PRKD1: variants seen among roughly 807,000 people sequenced by gnomAD.
PRKD1 encodes the protein serine/threonine-protein kinase D1.
PRKD1 carries 63 observed loss-of-function variants against 95.9 expected under a neutral mutation model. That is an observed-to-expected ratio of 0.66 (90% confidence interval 0.54 to 0.81). PRKD1 has a LOEUF of 0.81. Ranked by LOEUF, PRKD1 falls within the 30% of genes least tolerant of loss-of-function variation. PRKD1 has a pLI of 0.00. For synonymous variants in PRKD1, 425 were observed against 423.1 expected, an observed-to-expected ratio of 1.00 and a Z score of -0.05; for missense variants, 1,048 against 1,165.3, an observed-to-expected ratio of 0.90 and a Z score of 1.47.
rs377353121 is a variant in PRKD1, at chr14:29,579,905, G to A, written c.2435-1545C>T. On this transcript the variant is annotated intron_variant, in intron 16 of 17. Transcript: ENST00000331968. ...TTCTCAGAGAGCTTTTAAAAGTATA[G>A]TTCTGTGAACTGCGTATAGGGCATG... 3.4e-4 allele frequency among the ~76,000 whole-genome samples: 51 copies of A among 152,204 alleles called. 2 individuals carry two copies. The South Asian group carries it at 0.01, about 30-fold the overall frequency.
At chr14:29,727,875 T>C (rs545693947) in intron 1 of PRKD1, among the ~76,000 whole-genome samples, 133 of 151,272 alleles carry the variant, frequency 8.8e-4, no homozygotes, top group Non-Finnish European at 1.6e-3. Context: ...ATGGATGAAA[T>C]TGGAAATCAT....
chr14:29,652,806 T>C (rs1003305235), intron 4 of PRKD1: 9 of 152,242 alleles, frequency 5.9e-5, no homozygotes, highest in African/African-American at 2.2e-4. Context: ...TACTTCTAAA[T>C]AGACTTTTGC....
intron 2 of PRKD1, among the ~76,000 whole-genome samples, chr14:29,686,112 C>T (rs1381312141): frequency 6.6e-6 from 1 of 152,136 alleles, no homozygotes; most frequent in Non-Finnish European, 1.5e-5. Flanking sequence ...TGTGAAAATC[C>T]TTTAATAGGA....
Position 29,794,394 on chromosome 14 carries a change from G to GT in PRKD1, c.265-68721dup, listed in dbSNP as rs1416652933. ...TAAATATCATCTATAAATTATCAAG[G>GT]TTTTTTTTGAGGGGGTGGCAATTCC... On this transcript the variant is annotated intron_variant, in intron 1 of 17. Coordinates refer to ENST00000331968, the MANE Select transcript of PRKD1 (RefSeq NM_002742.3). 5.3e-5 allele frequency among the ~76,000 whole-genome samples: 8 copies of GT among 151,560 alleles called. No individual in the cohort carries two copies. In the East Asian group the frequency reaches 1.4e-3, roughly 26 times the overall value.
At chr14:29,740,469 T>C (rs1259592718) in intron 1 of PRKD1, among the ~76,000 whole-genome samples, 3 of 152,190 alleles carry the variant, frequency 2.0e-5, no homozygotes, top group Non-Finnish European at 4.4e-5. Flanking sequence ...CAGTGGTAGG[T>C]AGTGCCAGAA....
At chr14:29,774,874 CATG>C (rs1173501708) in intron 1 of PRKD1, among the ~76,000 whole-genome samples, 18 of 152,158 alleles carry the variant, frequency 1.2e-4, no homozygotes, top group African/African-American at 4.1e-4. Flanking sequence ...AGGAAAGCAA[CATG>C]ATAATAGTGG....
rs148964041 is a variant in PRKD1 at position 29,917,179 on chromosome 14, T to C, written c.264+10070A>G. 3.0e-3 allele frequency among the ~76,000 whole-genome samples: 458 copies of C among 152,326 alleles called. 8 individuals are homozygous for C. Among genetic ancestry groups the C allele is most frequent in the Admixed American group, 0.026 (401 of 15,302 alleles). On this transcript the variant is annotated intron_variant, in intron 1 of 17. Transcript: ENST00000331968. ...TTAATTCTAGCACCTGAACTAGAAC[T>C]GAATCCCCAGTCTCTTTCTAGCTAG...
intron 1 of PRKD1, among the ~76,000 whole-genome samples, chr14:29,865,975 T>G (rs918173860): frequency 3.9e-5 from 6 of 152,210 alleles, no homozygotes; most frequent in African/African-American, 1.4e-4. Flanking sequence ...CTAGAAAGAT[T>G]GTCTTGCACT....
In PRKD1 at chr14:29,734,105, C is replaced by T. The variant is rs373539201; in HGVS notation, c.265-8431G>A. Among the ~76,000 whole-genome samples the T allele has an allele frequency of 3.9e-4, 52 of 131,810 alleles. No individual in the cohort carries two copies. The East Asian group carries it at 4.0e-3, about 10-fold the overall frequency. 86.5% of individuals were successfully genotyped at this position (131,810 alleles called of 152,430 possible). ...TCACTCAGGCTGGAGTGCAATGGCG[C>T]GATCTTGGCTCACTGCAACCTCCGC... On this transcript the variant is annotated intron_variant, in intron 1 of 17. Coordinates refer to ENST00000331968, the MANE Select transcript of PRKD1 (RefSeq NM_002742.3).
chr14:29,619,765 A>C (rs1566490788), intron 13 of PRKD1, among the ~76,000 whole-genome samples: 2 of 152,150 alleles, frequency 1.3e-5, no homozygotes, highest in Non-Finnish European at 2.9e-5. Context: ...GCTTAACTTC[A>C]CTGTCTCAGG....
At chr14:29,770,930 CAAAAAA>C (rs753745571) in intron 1 of PRKD1, among the ~76,000 whole-genome samples, 1 of 47,164 alleles carries the variant, frequency 2.1e-5, no homozygotes. Flanking sequence ...AGACACTGTC[CAAAAAA>C]AAAAAAAAAA....
chr14:29,821,620 C>G (rs1890913333), intron 1 of PRKD1, among the ~76,000 whole-genome samples: 1 of 152,266 alleles, frequency 6.6e-6, no homozygotes, highest in Non-Finnish European at 1.5e-5. Flanking sequence ...CAGGGACACA[C>G]TGGAATTTTT....
intron 1 of PRKD1, among the ~76,000 whole-genome samples, chr14:29,771,561 G>C (rs1255528976): frequency 6.6e-6 from 1 of 152,086 alleles, no homozygotes; most frequent in Non-Finnish European, 1.5e-5. Context: ...CATCCATCTA[G>C]ATTTCAAAGG....
At chr14:29,619,407 A>G (rs1879094505) in intron 13 of PRKD1, among the ~76,000 whole-genome samples, 1 of 152,184 alleles carries the variant, frequency 6.6e-6, no homozygotes, top group South Asian at 2.1e-4. Flanking sequence ...TTTCTGTACA[A>G]CTTTAATTAA....
chr14:29,582,537 A>G (rs772313800), intron 16 of PRKD1, among the ~76,000 whole-genome samples: 1 of 152,200 alleles, frequency 6.6e-6, no homozygotes, highest in Non-Finnish European at 1.5e-5. Flanking sequence ...AGCTCTGAAC[A>G]TTTACCCATC....
rs560028921 is a variant in PRKD1, at chr14:29,668,918, T to G, written c.404-2710A>C. Among the ~76,000 whole-genome samples the G allele has an allele frequency of 2.6e-3, 398 of 152,300 alleles. 4 individuals are homozygous for G. The highest frequency in any genetic ancestry group is 5.7e-4 in the Non-Finnish European group (39 of 68,032). ...AACTGATACTCAGAAATTAAGGAGC[T>G]ACACTAGGTAATACAGAATCTGAAC... On this transcript the variant is annotated intron_variant, in intron 2 of 17. Coordinates refer to ENST00000331968, the MANE Select transcript of PRKD1 (RefSeq NM_002742.3).
intron 4 of PRKD1, among the ~76,000 whole-genome samples, chr14:29,657,023 T>C (rs767828140): frequency 6.6e-5 from 10 of 152,214 alleles, no homozygotes; most frequent in Non-Finnish European, 1.0e-4. Context: ...TTTCCAAACC[T>C]AGAAAGTCCA....
intron 1 of PRKD1, among the ~76,000 whole-genome samples, chr14:29,831,238 T>A (rs1238144848): frequency 2.6e-5 from 4 of 152,138 alleles, no homozygotes; most frequent in Non-Finnish European, 5.9e-5. Context: ...GAGGCAAAGC[T>A]TATTTACAAA....
In PRKD1 at chr14:29,605,349, T is replaced by C. The variant is rs78515731; in HGVS notation, c.1906-5532A>G. Among the ~76,000 whole-genome samples the C allele has an allele frequency of 6.2e-4, 94 of 152,308 alleles. 4 individuals are homozygous for C. In the East Asian group the frequency reaches 0.017, roughly 27 times the overall value. ...CAAAATCAGCTCCTTTTTCTCTCTC[T>C]GCTTAAGTATTTCTCCAGCTTTGTC... On this transcript the variant is annotated intron_variant, in intron 13 of 17. Coordinates refer to ENST00000331968, the MANE Select transcript of PRKD1 (RefSeq NM_002742.3).
Sources: gnomAD v4.1 joint callset for allele counts (sites outside exome capture counted in the v4.1 genomes callset) on GRCh38, gnomAD v4.1.1 for gene constraint, MANE v1.5 for transcripts, NCBI Gene and HGNC (gene_info 2026-07-23, HGNC 2026-07-21) for gene names.